CDK14: variants seen among roughly 807,000 people sequenced by gnomAD.
CDK14 encodes the protein cyclin-dependent kinase 14.
A neutral mutation model predicts 60.7 loss-of-function variants in CDK14; 34 were observed. The ratio of observed to expected loss-of-function variants is 0.56; its 90% CI spans 0.43 to 0.75. The LOEUF is 0.75. Ranked by LOEUF, CDK14 falls within the 30% of genes least tolerant of loss-of-function variation. The pLI is 0.00. For missense variants in CDK14, 482 were observed against 564.1 expected, an observed-to-expected ratio of 0.85 and a Z score of 1.47; for synonymous variants, 197 against 203.7, an observed-to-expected ratio of 0.97 and a Z score of 0.28.
chr7:90,842,136 A>G (rs1790315263), intron 5 of CDK14, among the ~76,000 whole-genome samples: 2 of 152,280 alleles, frequency 1.3e-5, no homozygotes, highest in South Asian at 4.1e-4. Context: ...TATTATACTC[A>G]AAACGATGAC....
chr7:90,617,754 G>C (rs1330286537), intron 2 of CDK14, among the ~76,000 whole-genome samples: 1 of 152,104 alleles, frequency 6.6e-6, no homozygotes, highest in Non-Finnish European at 1.5e-5. Context: ...GTGGGGAGTG[G>C]GTGGATTGTT....
At chr7:91,093,530 C>T (rs1289608928) in intron 12 of CDK14, among the ~76,000 whole-genome samples, 1 of 152,108 alleles carries the variant, frequency 6.6e-6, no homozygotes, top group Non-Finnish European at 1.5e-5. Context: ...GATTCTGAAG[C>T]ATATCTATCA....
At chr7:90,857,745 T>G (rs1404193748) in intron 5 of CDK14, among the ~76,000 whole-genome samples, 1 of 152,214 alleles carries the variant, frequency 6.6e-6, no homozygotes, top group Non-Finnish European at 1.5e-5. Flanking sequence ...CTTGTAGGTG[T>G]TAATCTCTGG....
intron 13 of CDK14, 108 bp downstream of exon 13, chr7:91,112,789 C>T: frequency 1.7e-6 from 2 of 1,171,376 alleles, no homozygotes; most frequent in Non-Finnish European, 2.4e-6. Flanking sequence ...TGTCCACAAA[C>T]ATAAGATAAT....
chr7:91,091,542 G>A (rs1798828262), intron 12 of CDK14, among the ~76,000 whole-genome samples: 1 of 124,006 alleles, frequency 8.1e-6, no homozygotes, highest in South Asian at 2.3e-4. Context: ...GGTGGCATAT[G>A]CCTGTAGTCC....
chr7:90,819,624 A>G (rs952285283), intron 5 of CDK14, among the ~76,000 whole-genome samples: 1 of 152,166 alleles, frequency 6.6e-6, no homozygotes, highest in Non-Finnish European at 1.5e-5. Flanking sequence ...CATTACTTGA[A>G]GATTTTAAAT....
chr7:90,928,230 G>A (rs1255390414), intron 8 of CDK14, among the ~76,000 whole-genome samples: 3 of 152,154 alleles, frequency 2.0e-5, no homozygotes, highest in Non-Finnish European at 4.4e-5. Flanking sequence ...ACTCATCAAA[G>A]TCATTCTCCG....
At chr7:90,891,300 A>G (rs1384904656) in intron 6 of CDK14, among the ~76,000 whole-genome samples, 1 of 152,204 alleles carries the variant, frequency 6.6e-6, no homozygotes, top group African/African-American at 2.4e-5. Flanking sequence ...AGCAGAGATC[A>G]ATCAGGGAAT....
intron 2 of CDK14, among the ~76,000 whole-genome samples, chr7:90,626,320 A>G (rs1212134379): frequency 1.3e-5 from 2 of 152,098 alleles, no homozygotes; most frequent in African/African-American, 4.8e-5. Context: ...TAAATACTTG[A>G]TGTTTCTCTC....
intron 14 of CDK14, among the ~76,000 whole-genome samples, chr7:91,160,737 C>G (rs894090230): frequency 1.8e-4 from 28 of 151,856 alleles, no homozygotes; most frequent in Non-Finnish European, 3.7e-4. Context: ...TTTTTATTTA[C>G]TTTATTATAA....
At position 90,968,827 on chromosome 7, in the gene CDK14, CA is replaced by C. The variant is rs3840667; in HGVS notation, c.947+13020del. ...GGGTGTGGTTGATGGTAACAGAAAA[CA>C]AAAAAAAAACAGCTCTAGAATCTCA... On this transcript the variant is annotated intron_variant, in intron 9 of 14. Transcript: ENST00000380050. Among the ~76,000 whole-genome samples, 12 of 148,282 alleles carry C rather than the reference CA, an allele frequency of 8.1e-5. No homozygotes were observed. The South Asian group carries it at 8.6e-4, about 11-fold the overall frequency.
At chr7:91,123,282 T>C (rs1373994462) in intron 14 of CDK14, among the ~76,000 whole-genome samples, 1 of 152,212 alleles carries the variant, frequency 6.6e-6, no homozygotes, top group Admixed American at 6.5e-5. Context: ...TCTGGGGTTT[T>C]TCCTGCAAAA....
chr7:91,203,505 C>T (rs1052174020), intron 14 of CDK14, among the ~76,000 whole-genome samples: 12 of 152,178 alleles, frequency 7.9e-5, no homozygotes, highest in Admixed American at 5.2e-4. Context: ...TAAATGAAGT[C>T]TCTGGTTCAG....
intron 7 of CDK14, among the ~76,000 whole-genome samples, chr7:90,900,766 A>G (rs1291240243): frequency 6.6e-6 from 1 of 152,160 alleles, no homozygotes; most frequent in African/African-American, 2.4e-5. Context: ...CAGTGATACA[A>G]TTGAGATTAA....
chr7:90,597,695 T>C (rs1282566744), intron 1 of CDK14, among the ~76,000 whole-genome samples: 1 of 152,204 alleles, frequency 6.6e-6, no homozygotes, highest in Non-Finnish European at 1.5e-5. Flanking sequence ...TAATGGAAAT[T>C]AAACATAAAG....
intron 2 of CDK14, among the ~76,000 whole-genome samples, chr7:90,701,494 C>T (rs888679224): frequency 1.3e-5 from 2 of 152,106 alleles, no homozygotes; most frequent in African/African-American, 4.8e-5. Flanking sequence ...TTTGTAAAAA[C>T]CTTGACTGCT....
intron 14 of CDK14, among the ~76,000 whole-genome samples, chr7:91,176,778 A>C (rs556861918): frequency 0.022 from 3,406 of 151,600 alleles, 126 homozygotes; most frequent in African/African-American, 0.078. Context: ...GAATCTCTGA[A>C]TAGACCAATA....
At chr7:91,149,056 A>G (rs43019) in intron 14 of CDK14, among the ~76,000 whole-genome samples, 51,021 of 152,032 alleles carry the variant, frequency 0.34, 10,816 homozygotes, top group Non-Finnish European at 0.48. Flanking sequence ...GACTTTTGCT[A>G]TAAAACAATT....
At chr7:91,123,211 CTT>C (rs1799836551) in intron 14 of CDK14, among the ~76,000 whole-genome samples, 5 of 152,140 alleles carry the variant, frequency 3.3e-5, no homozygotes, top group Admixed American at 2.6e-4. Flanking sequence ...TCCATCAGCA[CTT>C]TTCAATATAT....
Sources: allele counts gnomAD v4.1 joint callset (sites outside exome capture counted in the v4.1 genomes callset), GRCh38; gene constraint gnomAD v4.1.1; transcripts MANE v1.5; gene names NCBI Gene and HGNC (gene_info 2026-07-23, HGNC 2026-07-21).